C2CD5: variants seen among roughly 807,000 people sequenced by gnomAD.
The protein encoded by C2CD5 is C2 domain-containing protein 5.
Under a neutral mutation model 130.3 loss-of-function variants are expected in C2CD5, and 109 were observed. The observed-to-expected ratio is 0.84, with a 90% confidence interval of 0.72 to 0.98. The LOEUF (loss-of-function observed/expected upper bound fraction) is 0.98, where lower values mean the gene tolerates loss of function less well. Among genes scored for constraint, C2CD5 ranks in the 50% least tolerant of loss-of-function variants. The probability of loss-of-function intolerance (pLI) is 0.00; values close to 1 mark genes in which losing one functional copy is unlikely to be tolerated. For synonymous variants in C2CD5, 454 were observed against 429.2 expected, an observed-to-expected ratio of 1.06 and a Z score of -0.71; for missense variants, 996 against 1,261.8, an observed-to-expected ratio of 0.79 and a Z score of 3.19.
chr12:22,484,658 C>T (rs764301562), intron 13 of C2CD5, 39 bp downstream of exon 13: 2 of 1,245,886 alleles, frequency 1.6e-6, no homozygotes, highest in Non-Finnish European at 2.2e-6. Flanking sequence ...CTATCTCATA[C>T]TTTTTCAGGG....
intron 10 of C2CD5, among the ~76,000 whole-genome samples, chr12:22,500,814 A>G (rs930030284): frequency 6.9e-6 from 1 of 144,164 alleles, no homozygotes; most frequent in African/African-American, 2.9e-5. Flanking sequence ...ATGGTGGTAT[A>G]TATTTTTCTT....
At chr12:22,462,224 G>C (rs930507390) in intron 22 of C2CD5, among the ~76,000 whole-genome samples, 17 of 152,132 alleles carry the variant, frequency 1.1e-4, no homozygotes, top group Admixed American at 1.1e-3. Context: ...AGTCTTTCAG[G>C]CTTTGCTGAG....
chr12:22,494,726 T>G (rs936486062), intron 10 of C2CD5, among the ~76,000 whole-genome samples: 1 of 151,970 alleles, frequency 6.6e-6, no homozygotes, highest in Non-Finnish European at 1.5e-5. Flanking sequence ...GGAAGAGAAA[T>G]AGAAAAGACT....
chr12:22,491,092 A>G (rs1946286623), intron 11 of C2CD5, among the ~76,000 whole-genome samples: 1 of 152,236 alleles, frequency 6.6e-6, no homozygotes, highest in Non-Finnish European at 1.5e-5. Flanking sequence ...AGTGCATTTC[A>G]GAGAGTTTAA....
rs965246287 is a variant in C2CD5 at position 22,457,484 on chromosome 12, G to T, written c.2687-323C>A. ...CGGCTGAGCATTAAAATTATCTGCT[G>T]TAGGAACAAATTATTACAAGGAGAG... On this transcript the variant is annotated intron_variant, in intron 24 of 26. Transcript: ENST00000446597. Among the ~76,000 whole-genome samples the T allele has an allele frequency of 4.6e-5, 7 of 152,252 alleles. No homozygotes were observed. The East Asian group carries it at 1.4e-3, about 29-fold the overall frequency.
chr12:22,482,664 C>T lies in C2CD5; in HGVS notation c.1630G>A (p.Glu544Lys), dbSNP rs1215451253. Residue 544 changes from glutamate to lysine, a missense_variant, in exon 14 of 27, where the codon GAA (glutamate) becomes AAA (lysine). Physicochemically the swap from Glu to Lys is moderately conservative, Grantham distance 56. Around this residue, in one of 9 missense-constraint regions of C2CD5, gnomAD observed 590 missense variants for 631.4 expected, o/e 0.93. Coordinates refer to ENST00000446597, the MANE Select transcript of C2CD5 (RefSeq NM_001286176.2). ...ISNLLPFMEY[E>K]VHTQLMNKLK... ...TTATTCATTAGCTGAGTATGCACTT[C>T]ATATTCCATAAATGGCAAGAGATTA... 6.2e-7 allele frequency: 1 copy of T among 1,613,136 alleles called. No individual in the cohort carries two copies. Among genetic ancestry groups the T allele is most frequent in the South Asian group, 1.1e-5 (1 of 91,062 alleles).
intron 26 of C2CD5, among the ~76,000 whole-genome samples, chr12:22,452,093 A>C (rs1389573712): frequency 6.6e-6 from 1 of 152,188 alleles, no homozygotes; most frequent in East Asian, 1.9e-4. Context: ...TAAATTTAAC[A>C]CTGGGAAAAA....
chr12:22,516,421 T>C (rs1238833208), intron 8 of C2CD5, among the ~76,000 whole-genome samples: 2 of 151,622 alleles, frequency 1.3e-5, no homozygotes, highest in Non-Finnish European at 3.0e-5. Context: ...CTTATAAATA[T>C]AGGAATACAT....
chr12:22,508,942 T>C (rs905000032), intron 9 of C2CD5, among the ~76,000 whole-genome samples: 6 of 150,720 alleles, frequency 4.0e-5, no homozygotes, highest in Non-Finnish European at 7.4e-5. Context: ...AGTGGCGCAA[T>C]CTCGGCTCAC....
intron 10 of C2CD5, among the ~76,000 whole-genome samples, chr12:22,505,834 A>T (rs1948455993): frequency 6.6e-6 from 1 of 151,460 alleles, no homozygotes; most frequent in South Asian, 2.1e-4. Flanking sequence ...TAGCTACATA[A>T]AAGAAACTGA....
At chr12:22,470,739 T>C in intron 21 of C2CD5, 85 bp downstream of exon 21, 1 of 766,244 alleles carries the variant, frequency 1.3e-6, no homozygotes, top group Non-Finnish European at 2.2e-6. Context: ...AAGTAATTTA[T>C]TGAATCCACC....
intron 10 of C2CD5, among the ~76,000 whole-genome samples, chr12:22,500,831 G>C (rs1947682541): frequency 6.6e-6 from 1 of 151,550 alleles, no homozygotes; most frequent in Non-Finnish European, 1.5e-5. Flanking sequence ...TCTTTTTCTT[G>C]GAAGTCTGTT....
chr12:22,471,264 A>G (rs1407087251), intron 20 of C2CD5, 135 bp downstream of exon 20: 6 of 613,462 alleles, frequency 9.8e-6, no homozygotes, highest in Non-Finnish European at 1.4e-5. Flanking sequence ...CCTAATGCAT[A>G]CTAACATATA....
At chr12:22,454,426 ATAAAACTTACCTGTTATC>A (rs1939372724) in intron 25 of C2CD5, among the ~76,000 whole-genome samples, 1 of 152,172 alleles carries the variant, frequency 6.6e-6, no homozygotes, top group Non-Finnish European at 1.5e-5. Context: ...AGCCTAAACG[ATAAAACTTACCTGTTATC>A]TATATCTCTC....
At chr12:22,453,594 C>G (rs1434713499) in intron 26 of C2CD5, among the ~76,000 whole-genome samples, 1 of 152,142 alleles carries the variant, frequency 6.6e-6, no homozygotes, top group Non-Finnish European at 1.5e-5. Flanking sequence ...CTTTAGCTCT[C>G]CTCAGTTAGC....
At chr12:22,513,417 C>T in intron 8 of C2CD5, 38 bp from the exon 9 acceptor site, 1 of 1,323,172 alleles carries the variant, frequency 7.6e-7, no homozygotes, top group Non-Finnish European at 1.1e-6. Flanking sequence ...ACCAAAAAAG[C>T]AACTATAGAA....
Position 22,471,495 on chromosome 12 carries a change from A to G in C2CD5, c.2269-7T>C. Reference sequence around the variant, plus strand: ...GTAGTTTAAAGTACAGGCTCTACACAATAGAAAATATTAGTAATGTCACTT... The same window carrying G: ...GTAGTTTAAAGTACAGGCTCTACACGATAGAAAATATTAGTAATGTCACTT... On this transcript the variant is annotated splice_polypyrimidine_tract_variant and splice_region_variant and intron_variant, in intron 19 of 26. Transcript: ENST00000446597. 1 of 1,475,560 alleles carries G rather than the reference A, an allele frequency of 6.8e-7. No homozygotes were observed. Among genetic ancestry groups the G allele is most frequent in the Non-Finnish European group, 9.2e-7 (1 of 1,083,024 alleles). 91.4% of individuals were successfully genotyped at this position (1,475,560 alleles called of 1,614,324 possible).
chr12:22,510,147 G>C (rs966700751), intron 9 of C2CD5, among the ~76,000 whole-genome samples: 1 of 152,108 alleles, frequency 6.6e-6, no homozygotes, highest in Admixed American at 6.5e-5. Context: ...GGAGGTTGCA[G>C]TGAGCTGAGA....
In C2CD5 at chr12:22,482,575, A is replaced by G; in HGVS notation, c.1719T>C (p.Asn573=). The change falls in exon 14 of 27, where the codon AAT becomes AAC. Residue 573 remains asparagine (N), a synonymous_variant. Transcript: ENST00000446597. ...GLRIQITVGE[N]MLMGLASATG... Reference sequence around the variant, plus strand: ...AACTTACCGCTAAGCCCATCAACATATTTTCACCCACTGTGATCTGAATTC... The same window carrying G: ...AACTTACCGCTAAGCCCATCAACATGTTTTCACCCACTGTGATCTGAATTC... 10 of 1,613,596 alleles carry G rather than the reference A, an allele frequency of 6.2e-6. No homozygotes were observed. The highest frequency in any genetic ancestry group is 8.5e-6 in the Non-Finnish European group (10 of 1,179,784).
Sources: gnomAD v4.1 joint callset for allele counts (sites outside exome capture counted in the v4.1 genomes callset) on GRCh38, gnomAD v4.1.1 for gene constraint, gnomAD v4.1.1 regional missense constraint, MANE v1.5 for transcripts, NCBI Gene and HGNC (gene_info 2026-07-23, HGNC 2026-07-21) for gene names.